NICOL1: variants seen among roughly 807,000 people sequenced by gnomAD.
NICOL1 encodes the protein NELL2-interacting cell ontogeny regulator 1.
the NICOL1 span, chr4:2,042,073 G>A: frequency 6.7e-7 from 1 of 1,483,188 alleles, no homozygotes. Context: ...ACCGCGGTAA[G>A]GGCGGTGGTG....
At chr4:2,042,191 C>T in the NICOL1 span, 184 of 1,425,172 alleles carry the variant, frequency 1.3e-4, 3 homozygotes, top group South Asian at 2.4e-3. Flanking sequence ...GAGGGGGCTC[C>T]CGGGCCCGGG....
the NICOL1 span, among the ~76,000 whole-genome samples, chr4:2,039,223 G>A: frequency 6.6e-6 from 1 of 152,180 alleles, no homozygotes; most frequent in South Asian, 2.1e-4. Context: ...AGACCAGCCT[G>A]GCCAACATGG....
chr4:2,037,468 A>G, the NICOL1 span, among the ~76,000 whole-genome samples: 1 of 152,252 alleles, frequency 6.6e-6, no homozygotes, highest in Non-Finnish European at 1.5e-5. Flanking sequence ...CTAAATTAAG[A>G]TGAGAACTCA....
the NICOL1 span, among the ~76,000 whole-genome samples, chr4:2,041,263 C>A: frequency 2.0e-5 from 3 of 152,196 alleles, no homozygotes; most frequent in South Asian, 6.2e-4. Flanking sequence ...GGGACCATCC[C>A]TCCCAGGGCG....
the NICOL1 span, among the ~76,000 whole-genome samples, chr4:2,043,415 AC>A: frequency 6.6e-6 from 1 of 152,026 alleles, no homozygotes; most frequent in African/African-American, 2.4e-5. Context: ...AGCAGGGAAG[AC>A]CCTGCCTGGT....
chr4:2,043,520 A>G, the NICOL1 span, among the ~76,000 whole-genome samples: 1 of 152,168 alleles, frequency 6.6e-6, no homozygotes, highest in Admixed American at 6.5e-5. Context: ...AGAGCCTGGA[A>G]CTGAGCTCTT....
At chr4:2,039,392 C>T in the NICOL1 span, among the ~76,000 whole-genome samples, 11 of 150,376 alleles carry the variant, frequency 7.3e-5, no homozygotes, top group South Asian at 4.2e-4. Flanking sequence ...CTAGCCTGGG[C>T]GACAGAGCAA....
chr4:2,039,409 G>A, the NICOL1 span, among the ~76,000 whole-genome samples: 15 of 150,784 alleles, frequency 9.9e-5, no homozygotes, highest in Admixed American at 8.6e-4. Flanking sequence ...GCAAGATTGC[G>A]TCTCAAAAAA....
chr4:2,039,685 C>T, the NICOL1 span, among the ~76,000 whole-genome samples: 1 of 151,782 alleles, frequency 6.6e-6, no homozygotes, highest in African/African-American at 2.4e-5. Flanking sequence ...GAAAAAAATA[C>T]AAAAATTAGC....
the NICOL1 span, among the ~76,000 whole-genome samples, chr4:2,038,887 T>A: frequency 2.2e-4 from 33 of 152,218 alleles, no homozygotes; most frequent in Non-Finnish European, 2.8e-4. Context: ...TTAAAATGTT[T>A]GCCTGGATTA....
chr4:2,036,807 G>A, the NICOL1 span, among the ~76,000 whole-genome samples: 2 of 152,280 alleles, frequency 1.3e-5, no homozygotes, highest in South Asian at 4.1e-4. Context: ...GAAGAATGGG[G>A]AGACACGGCT....
chr4:2,042,482 A>G, the NICOL1 span: 1 of 415,588 alleles, frequency 2.4e-6, no homozygotes. Flanking sequence ...GTCCCCGCGC[A>G]GAGTAGGTGC....
chr4:2,039,328 C>A, the NICOL1 span, among the ~76,000 whole-genome samples: 1 of 151,616 alleles, frequency 6.6e-6, no homozygotes, highest in Non-Finnish European at 1.5e-5. Context: ...GCAGGAGAAT[C>A]GCTTGAACCC....
chr4:2,042,401 C>CGCT, the NICOL1 span: 49 of 426,502 alleles, frequency 1.1e-4, no homozygotes, highest in African/African-American at 1.3e-4. Flanking sequence ...CCGCCGCCGC[C>CGCT]GCTGCTGCTG....
At chr4:2,041,241 G>C in the NICOL1 span, among the ~76,000 whole-genome samples, 1 of 151,988 alleles carries the variant, frequency 6.6e-6, no homozygotes, top group Non-Finnish European at 1.5e-5. Flanking sequence ...TGGGGGCCTG[G>C]CTCCGACGGC....
chr4:2,041,150 T>TGGGGGG, the NICOL1 span, among the ~76,000 whole-genome samples: 16 of 65,598 alleles, frequency 2.4e-4, no homozygotes, highest in African/African-American at 5.3e-4. Context: ...CTGGGTGGGG[T>TGGGGGG]GGGGGGGGAG....
chr4:2,040,255 T>C, the NICOL1 span, among the ~76,000 whole-genome samples: 1 of 152,186 alleles, frequency 6.6e-6, no homozygotes, highest in African/African-American at 2.4e-5. Flanking sequence ...TACAGGCGCG[T>C]GCCACCATAC....
At chr4:2,042,820 C>G in the NICOL1 span, 1 of 1,487,294 alleles carries the variant, frequency 6.7e-7, no homozygotes, top group Non-Finnish European at 8.9e-7. Context: ...AGCCTGGACG[C>G]GCGGGTGAGC....
At chr4:2,039,499 T>A in the NICOL1 span, among the ~76,000 whole-genome samples, 2 of 152,134 alleles carry the variant, frequency 1.3e-5, no homozygotes, top group African/African-American at 4.8e-5. Flanking sequence ...AATATTGACA[T>A]GTGATAGTTC....
Sources: gnomAD v4.1 joint callset for allele counts (sites outside exome capture counted in the v4.1 genomes callset) on GRCh38, gnomAD v4.1.1 for gene constraint, MANE v1.5 for transcripts, NCBI Gene and HGNC (gene_info 2026-07-23, HGNC 2026-07-21) for gene names.